ZMAT4: variants seen among roughly 807,000 people sequenced by gnomAD.
ZMAT4 encodes zinc finger matrin-type protein 4.
Under a neutral mutation model 28.7 loss-of-function variants are expected in ZMAT4, and 17 were observed. The ratio of observed to expected loss-of-function variants is 0.59; its 90% CI spans 0.41 to 0.89. The LOEUF (loss-of-function observed/expected upper bound fraction) is 0.89. ZMAT4 is among the 40% of genes least tolerant of loss of function. The pLI, the probability that ZMAT4 is intolerant of heterozygous loss-of-function variation, is 0.00. For missense variants in ZMAT4, 240 were observed against 283.8 expected, an observed-to-expected ratio of 0.85 and a Z score of 1.11; for synonymous variants, 117 against 109.2, an observed-to-expected ratio of 1.07 and a Z score of -0.44.
In ZMAT4 at chr8:40,887,783, C is replaced by G. The variant is rs529852321; in HGVS notation, c.-5+9900G>C. 2.1e-3 allele frequency among the ~76,000 whole-genome samples: 315 copies of G among 152,252 alleles called. 1 individual carries two copies. Among genetic ancestry groups the G allele is most frequent in the African/African-American group, 7.2e-3 (300 of 41,554 alleles). ...CTCTCGGCTCCCCCTCCCTTCGGTCCTCTCACAGCCATGTTATTGCAGGTG... is the reference window on the plus strand; with the variant it reads ...CTCTCGGCTCCCCCTCCCTTCGGTCGTCTCACAGCCATGTTATTGCAGGTG... On this transcript the variant is annotated intron_variant, in intron 1 of 6. Coordinates refer to ENST00000297737, the MANE Select transcript of ZMAT4 (RefSeq NM_024645.3).
intron 5 of ZMAT4, among the ~76,000 whole-genome samples, chr8:40,581,509 T>G (rs1018366358): frequency 2.6e-5 from 4 of 152,196 alleles, no homozygotes; most frequent in African/African-American, 9.7e-5. Context: ...TTCTTTGAAT[T>G]GAGGTAAGGT....
chr8:40,769,929 C>A (rs4501564), intron 2 of ZMAT4, among the ~76,000 whole-genome samples: 3 of 151,870 alleles, frequency 2.0e-5, no homozygotes, highest in Non-Finnish European at 2.9e-5. Context: ...AAAATAAATG[C>A]CAAGCTCTGA....
intron 3 of ZMAT4, among the ~76,000 whole-genome samples, chr8:40,740,063 G>C (rs1339940436): frequency 6.6e-6 from 1 of 152,112 alleles, no homozygotes; most frequent in African/African-American, 2.4e-5. Context: ...GTTTGGGTTG[G>C]TTCCAAGTCT....
chr8:40,552,864 C>G (rs568704241), intron 6 of ZMAT4, among the ~76,000 whole-genome samples: 1 of 152,130 alleles, frequency 6.6e-6, no homozygotes, highest in Non-Finnish European at 1.5e-5. Flanking sequence ...CCCCACCTCC[C>G]GTCGCTGTGG....
Position 40,531,150 on chromosome 8 carries a change from A to T in ZMAT4, c.*1073T>A, listed in dbSNP as rs1360019153. 1 of 152,168 alleles carries T rather than the reference A, an allele frequency of 6.6e-6. No individual in the cohort carries two copies. Among genetic ancestry groups the T allele is most frequent in the Non-Finnish European group, 1.5e-5 (1 of 68,056 alleles). The allele number at this position is 152,168 out of a possible 1,614,324, so 9.4% of individuals were successfully genotyped here. ...TCCGGTCACCATGGAAAAGAATTAA[A>T]CCTAGAGAAAGAGCCTCATGATCTG... On this transcript the variant is annotated 3_prime_UTR_variant, in exon 7 of 7. Transcript: ENST00000297737.
chr8:40,674,309 G>A (rs1299086667), intron 5 of ZMAT4: 5 of 173,378 alleles, frequency 2.9e-5, no homozygotes, highest in Non-Finnish European at 4.9e-5. Flanking sequence ...GGCCAGGCCG[G>A]TGTTGAACTC....
At chr8:40,773,435 G>A (rs1448914243) in intron 2 of ZMAT4, among the ~76,000 whole-genome samples, 1 of 152,072 alleles carries the variant, frequency 6.6e-6, no homozygotes, top group African/African-American at 2.4e-5. Flanking sequence ...AAAGATCCAA[G>A]GCCAATCACA....
At chr8:40,874,003 A>G (rs1817951668) in intron 1 of ZMAT4, among the ~76,000 whole-genome samples, 1 of 152,158 alleles carries the variant, frequency 6.6e-6, no homozygotes, top group Admixed American at 6.5e-5. Context: ...GAAGATGATG[A>G]GTGACTCTGT....
intron 1 of ZMAT4, among the ~76,000 whole-genome samples, chr8:40,879,814 G>T (rs567748581): frequency 1.3e-5 from 2 of 152,298 alleles, no homozygotes; most frequent in African/African-American, 4.8e-5. Context: ...CCATTAGCCA[G>T]TTTGAAGATA....
At chr8:40,550,188 C>T (rs1803325560) in intron 6 of ZMAT4, among the ~76,000 whole-genome samples, 1 of 152,126 alleles carries the variant, frequency 6.6e-6, no homozygotes, top group African/African-American at 2.4e-5. Context: ...AAGCAGACCC[C>T]TTCTGGAAAC....
chr8:40,727,293 A>G (rs186234265), intron 3 of ZMAT4, among the ~76,000 whole-genome samples: 250 of 152,268 alleles, frequency 1.6e-3, no homozygotes, highest in African/African-American at 5.6e-3. Flanking sequence ...AAGCAACAGA[A>G]CAATCATATT....
Position 40,830,398 on chromosome 8 carries a change from T to C in ZMAT4, c.-4-4718A>G, listed in dbSNP as rs560285770. ...CCTTTATGTCTACGTGTACCCATTG[T>C]TTAGCTCCCACTTATAAGTGAGAGC... On this transcript the variant is annotated intron_variant, in intron 1 of 6. Coordinates refer to ENST00000297737, the MANE Select transcript of ZMAT4 (RefSeq NM_024645.3). Among the ~76,000 whole-genome samples, 9 of 152,308 alleles carry C rather than the reference T, an allele frequency of 5.9e-5. No homozygotes were observed. In the South Asian group the frequency reaches 1.7e-3, roughly 28 times the overall value.
chr8:40,671,112 T>C (rs1174922083), intron 5 of ZMAT4, among the ~76,000 whole-genome samples: 1 of 150,312 alleles, frequency 6.7e-6, no homozygotes, highest in Non-Finnish European at 1.5e-5. Context: ...AATATGGAAA[T>C]ATGAATTAAA....
At chr8:40,869,082 C>T (rs1257229475) in intron 1 of ZMAT4, among the ~76,000 whole-genome samples, 2 of 152,208 alleles carry the variant, frequency 1.3e-5, no homozygotes, top group African/African-American at 4.8e-5. Context: ...CATTCCCTCA[C>T]ATTTCCCATG....
intron 5 of ZMAT4, among the ~76,000 whole-genome samples, chr8:40,638,002 A>G (rs971626262): frequency 1.1e-4 from 17 of 152,214 alleles, no homozygotes; most frequent in Non-Finnish European, 2.2e-4. Context: ...TGGAATCTCA[A>G]ATAGTTGAAT....
chr8:40,639,641 C>T (rs1321668278), intron 5 of ZMAT4, among the ~76,000 whole-genome samples: 2 of 151,866 alleles, frequency 1.3e-5, no homozygotes, highest in African/African-American at 4.8e-5. Flanking sequence ...CACACACACA[C>T]ACACACACTC....
At chr8:40,547,932 A>C (rs2118408272) in intron 6 of ZMAT4, among the ~76,000 whole-genome samples, 1 of 152,302 alleles carries the variant, frequency 6.6e-6, no homozygotes, top group East Asian at 1.9e-4. Context: ...CGGAAGCAGG[A>C]ATTTGCAATT....
chr8:40,588,839 T>C (rs1263076583), intron 5 of ZMAT4, among the ~76,000 whole-genome samples: 1 of 152,178 alleles, frequency 6.6e-6, no homozygotes, highest in Non-Finnish European at 1.5e-5. Context: ...TTTACAAGAA[T>C]GTTTCTAGCA....
At position 40,732,834 on chromosome 8, in the gene ZMAT4, C is replaced by CTTTTTTTTT. The variant is rs11461186; in HGVS notation, c.192+34798_192+34806dup. Among the ~76,000 whole-genome samples, 71 of 67,078 alleles carry CTTTTTTTTT rather than the reference C, an allele frequency of 1.1e-3. 3 individuals carry two copies. Among genetic ancestry groups the CTTTTTTTTT allele is most frequent in the African/African-American group, 3.9e-3 (69 of 17,524 alleles). The allele number at this position is 67,078 out of a possible 152,430, so 44.0% of individuals were successfully genotyped here. A position where few individuals can be genotyped will look rare whatever the true frequency, so the allele number is the denominator to read the frequency against. ...GCAGACCTGGGCTGAGCAAGACCTC[C>CTTTTTTTTT]TTTTTTTTTTTTTTTTTTTTTTTTT... On this transcript the variant is annotated intron_variant, in intron 3 of 6. Transcript: ENST00000297737.
Sources: allele counts gnomAD v4.1 joint callset (sites outside exome capture counted in the v4.1 genomes callset), GRCh38; gene constraint gnomAD v4.1.1; transcripts MANE v1.5; gene names NCBI Gene and HGNC (gene_info 2026-07-23, HGNC 2026-07-21).